PKHD1L1: variants seen among roughly 807,000 people sequenced by gnomAD.
PKHD1L1 encodes fibrocystin-L.
Under a neutral mutation model 462.9 loss-of-function variants are expected in PKHD1L1, and 434 were observed. That is an observed-to-expected ratio of 0.94 (90% CI 0.87 to 1.02). The LOEUF (loss-of-function observed/expected upper bound fraction) is 1.02, where lower values mean the gene tolerates loss of function less well. PKHD1L1 is among the 50% of genes least tolerant of loss of function. The pLI, the probability that PKHD1L1 is intolerant of heterozygous loss-of-function variation, is 0.00. For missense variants in PKHD1L1, 5,202 were observed against 5,096.1 expected, an observed-to-expected ratio of 1.02 and a Z score of -0.63; for synonymous variants, 1,781 against 1,750.0, an observed-to-expected ratio of 1.02 and a Z score of -0.44.
intron 71 of PKHD1L1, among the ~76,000 whole-genome samples, chr8:109,511,547 G>A (rs959008778): frequency 2.0e-5 from 3 of 151,770 alleles, no homozygotes; most frequent in African/African-American, 4.8e-5. Flanking sequence ...TGGCTGCATA[G>A]TATTCCACGG....
In PKHD1L1 at chr8:109,514,649, CT is replaced by C. The variant is rs1203914965; in HGVS notation, c.11554-518del. The stretch of plus-strand genomic sequence containing the variant: ...TCCCTGCTCTTGGAAAAGCCAGTCT[CT>C]TTATGATCATAGCTGAGAGCATGAA... On this transcript the variant is annotated intron_variant, in intron 71 of 77. Transcript: ENST00000378402. Among the ~76,000 whole-genome samples, 9 of 152,206 alleles carry C rather than the reference CT, an allele frequency of 5.9e-5. 1 individual carries two copies. Among genetic ancestry groups the C allele is most frequent in the Admixed American group, 1.3e-4 (2 of 15,264 alleles).
chr8:109,388,192 C>T (rs1812530162), intron 6 of PKHD1L1, among the ~76,000 whole-genome samples: 1 of 152,102 alleles, frequency 6.6e-6, no homozygotes, highest in South Asian at 2.1e-4. Context: ...TAGTATTTAA[C>T]ACCTCTAACA....
intron 18 of PKHD1L1, among the ~76,000 whole-genome samples, chr8:109,409,574 T>G (rs1174993440): frequency 3.3e-5 from 5 of 152,194 alleles, no homozygotes; most frequent in Non-Finnish European, 7.3e-5. Flanking sequence ...GCTTCATTGC[T>G]CTCTTTAAAA....
intron 2 of PKHD1L1, among the ~76,000 whole-genome samples, chr8:109,374,326 C>T (rs1365518354): frequency 6.6e-6 from 1 of 152,084 alleles, no homozygotes; most frequent in Non-Finnish European, 1.5e-5. Context: ...ATTGCAATCT[C>T]TGCCTTTTTT....
intron 50 of PKHD1L1, among the ~76,000 whole-genome samples, chr8:109,473,485 C>T (rs139478774): frequency 1.5e-3 from 226 of 151,222 alleles, no homozygotes; most frequent in African/African-American, 5.3e-3. Flanking sequence ...CACTGGACTC[C>T]AGCCTGGGTG....
Position 109,444,665 on chromosome 8 carries a change from C to T in PKHD1L1, c.4796C>T (p.Thr1599Ile), listed in dbSNP as rs1222980012. 3 of 1,610,070 alleles carry T rather than the reference C, an allele frequency of 1.9e-6. No individual in the cohort carries two copies. In the East Asian group the frequency reaches 6.7e-5, roughly 36 times the overall value. ...TTGTATTCATTTTACTTACAGGTTA[C>T]AATTGGTAGCTACCCCTGTGTCGTA... ...FSNLPWANKV[T>I]IGSYPCVVEE... The change falls in exon 38 of 78, where the codon ACA (threonine) becomes ATA (isoleucine). Residue 1599 changes from threonine (T) to isoleucine (I), a missense_variant. Transcript: ENST00000378402.
At position 109,401,486 on chromosome 8, in the gene PKHD1L1, T is replaced by G; in HGVS notation, c.1282-11T>G. ...TCTCCCTTTTCTCTGTCTCTGTCTC[T>G]CTCGGATTAGGTGAGGATTGCATAT... is the stretch of plus-strand genomic sequence containing the variant. On this transcript the variant is annotated splice_polypyrimidine_tract_variant and intron_variant, in intron 13 of 77. Coordinates refer to ENST00000378402, the MANE Select transcript of PKHD1L1 (RefSeq NM_177531.6). The G allele has an allele frequency of 6.9e-7, 1 of 1,457,250 alleles. No individual in the cohort carries two copies. Among genetic ancestry groups the G allele is most frequent in the Non-Finnish European group, 9.6e-7 (1 of 1,044,044 alleles). The allele number at this position is 1,457,250 out of a possible 1,614,324, so 90.3% of individuals were successfully genotyped here. A position where few individuals can be genotyped will look rare whatever the true frequency, so the allele number is the denominator to read the frequency against.
At chr8:109,480,789 G>T in intron 55 of PKHD1L1, 1 of 264,770 alleles carries the variant, frequency 3.8e-6, no homozygotes, top group East Asian at 8.8e-5. Context: ...CAGAAACTTG[G>T]TTATTAATAT....
At chr8:109,527,912 A>C (rs1820897952) in intron 77 of PKHD1L1, among the ~76,000 whole-genome samples, 1 of 152,194 alleles carries the variant, frequency 6.6e-6, no homozygotes, top group Admixed American at 6.5e-5. Context: ...CTTGGGTCAC[A>C]TGCCCATTCC....
intron 57 of PKHD1L1, 106 bp downstream of exon 57, chr8:109,483,211 A>G (rs997162789): frequency 2.6e-6 from 2 of 772,432 alleles, no homozygotes; most frequent in East Asian, 3.3e-5. Flanking sequence ...GTGATTAACC[A>G]GATGAAAAAT....
Position 109,438,457 on chromosome 8 carries a change from G to C in PKHD1L1, c.3760+1G>C. 1.3e-6 allele frequency: 2 copies of C among 1,532,204 alleles called. No homozygotes were observed. Among genetic ancestry groups the C allele is most frequent in the South Asian group, 1.3e-5 (1 of 79,378 alleles). 94.9% of individuals were successfully genotyped at this position (1,532,204 alleles called of 1,614,324 possible). ...AGTCCAAAAGTACGAACAATACTAG[G>C]TAAGAAATTCTTCAATAAGATTGGT... On this transcript the variant is annotated splice_donor_variant, in intron 31 of 77. Transcript: ENST00000378402. LOFTEE classifies it high-confidence loss of function.
intron 9 of PKHD1L1, among the ~76,000 whole-genome samples, chr8:109,393,192 A>G (rs1812793802): frequency 6.6e-6 from 1 of 152,046 alleles, no homozygotes; most frequent in African/African-American, 2.4e-5. Context: ...CTAATCTAGC[A>G]TAAAATATTT....
chr8:109,498,813 G>A (rs776279068), intron 67 of PKHD1L1, 42 bp downstream of exon 67: 9 of 1,473,784 alleles, frequency 6.1e-6, no homozygotes, highest in Non-Finnish European at 8.4e-6. Flanking sequence ...ATTAATTTCT[G>A]TAAAGAATAT....
chr8:109,432,029 A>C (rs1417643549), intron 27 of PKHD1L1, among the ~76,000 whole-genome samples: 1 of 152,128 alleles, frequency 6.6e-6, no homozygotes, highest in Non-Finnish European at 1.5e-5. Context: ...ACTTTTTAGA[A>C]ATTTTTCTAT....
chr8:109,490,376 A>G (rs1285891073), intron 60 of PKHD1L1, among the ~76,000 whole-genome samples: 2 of 151,762 alleles, frequency 1.3e-5, no homozygotes, highest in African/African-American at 4.8e-5. Flanking sequence ...TAGTAAACAA[A>G]GAGAGTATTG....
At chr8:109,391,118 C>T (rs920741543) in intron 9 of PKHD1L1, among the ~76,000 whole-genome samples, 8 of 152,148 alleles carry the variant, frequency 5.3e-5, no homozygotes, top group African/African-American at 7.2e-5. Context: ...GAACATTTAG[C>T]AGCAGGCATG....
chr8:109,509,011 G>A (rs1181790314), intron 70 of PKHD1L1, among the ~76,000 whole-genome samples: 1 of 152,124 alleles, frequency 6.6e-6, no homozygotes. Flanking sequence ...GCTTAGATTA[G>A]GATCTTTCAT....
chr8:109,376,948 C>A (rs1490068229), intron 2 of PKHD1L1, among the ~76,000 whole-genome samples: 1 of 152,196 alleles, frequency 6.6e-6, no homozygotes, highest in Non-Finnish European at 1.5e-5. Context: ...TGCCACGTAG[C>A]TTTACCAGAA....
At chr8:109,488,670 T>G (rs917035092) in intron 59 of PKHD1L1, among the ~76,000 whole-genome samples, 1 of 151,984 alleles carries the variant, frequency 6.6e-6, no homozygotes, top group Non-Finnish European at 1.5e-5. Context: ...ATCTTTATAT[T>G]GAGCAAACAG....
Sources: allele counts gnomAD v4.1 joint callset (sites outside exome capture counted in the v4.1 genomes callset), GRCh38; gene constraint gnomAD v4.1.1; transcripts MANE v1.5; gene names NCBI Gene and HGNC (gene_info 2026-07-23, HGNC 2026-07-21).